Variants in GRM8 observed in about 807,000 individuals in gnomAD.
GRM8 encodes the protein glutamate metabotropic receptor 8.
Under a neutral mutation model 87.2 loss-of-function variants are expected in GRM8, and 47 were observed. The observed-to-expected ratio is 0.54, with a 90% CI of 0.43 to 0.69. The LOEUF (loss-of-function observed/expected upper bound fraction) is 0.69. Ranked by LOEUF, GRM8 falls within the 30% of genes least tolerant of loss-of-function variation. The pLI is 0.00. For missense variants in GRM8, 1,019 were observed against 1,139.2 expected (o/e 0.89, Z 1.52); for synonymous variants, 396 against 404.5 (o/e 0.98, Z 0.25).
chr7:127,081,789 T>C (rs1822895103), intron 3 of GRM8, among the ~76,000 whole-genome samples: 1 of 152,204 alleles, frequency 6.6e-6, no homozygotes, highest in Admixed American at 6.5e-5. Flanking sequence ...AAGAACAGTT[T>C]CTTTAGAAAT....
At chr7:126,481,193 C>T (rs1217213213) in intron 9 of GRM8, among the ~76,000 whole-genome samples, 1 of 151,850 alleles carries the variant, frequency 6.6e-6, no homozygotes, top group Non-Finnish European at 1.5e-5. Context: ...AAGGATAATT[C>T]CAATTAGTGA....
chr7:126,640,973 T>C (rs1802322946), intron 7 of GRM8, among the ~76,000 whole-genome samples: 1 of 152,152 alleles, frequency 6.6e-6, no homozygotes, highest in Non-Finnish European at 1.5e-5. Flanking sequence ...TTTAATTATC[T>C]AGTGTGAATC....
chr7:126,716,919 T>C (rs1034645227), intron 7 of GRM8, among the ~76,000 whole-genome samples: 1 of 152,100 alleles, frequency 6.6e-6, no homozygotes, highest in Admixed American at 6.5e-5. Context: ...GGAGGAATAA[T>C]AAACATGTCA....
rs535918684 is a variant in GRM8 at position 126,619,472 on chromosome 7, C to A, written c.1358-9974G>T. Among the ~76,000 whole-genome samples, 7 of 151,778 alleles carry A rather than the reference C, an allele frequency of 4.6e-5. No individual in the cohort carries two copies. In the East Asian group the frequency reaches 1.4e-3, roughly 29 times the overall value. ...GGCACATGTATACACATGTAACAAA[C>A]CTGCACGTTGTGCACATGTACCCTA... On this transcript the variant is annotated intron_variant, in intron 7 of 10. Transcript: ENST00000339582.
intron 3 of GRM8, among the ~76,000 whole-genome samples, chr7:127,027,999 T>C (rs984621001): frequency 6.6e-6 from 1 of 152,160 alleles, no homozygotes; most frequent in Non-Finnish European, 1.5e-5. Flanking sequence ...TTGAGATACA[T>C]TACCTCCATA....
At chr7:127,135,760 A>T (rs1043201160) in intron 2 of GRM8, among the ~76,000 whole-genome samples, 1 of 152,092 alleles carries the variant, frequency 6.6e-6, no homozygotes, top group Admixed American at 6.5e-5. Context: ...CCTAAGAAAA[A>T]TTTAAATATG....
intron 3 of GRM8, among the ~76,000 whole-genome samples, chr7:127,044,761 G>T (rs954355248): frequency 6.6e-6 from 1 of 152,066 alleles, no homozygotes; most frequent in Non-Finnish European, 1.5e-5. Context: ...TAGCAGCAAC[G>T]GCTAACATAC....
intron 3 of GRM8, among the ~76,000 whole-genome samples, chr7:127,046,415 T>G (rs1175255585): frequency 1.3e-5 from 2 of 152,174 alleles, no homozygotes; most frequent in Admixed American, 6.5e-5. Context: ...ATTTTTTCTG[T>G]TACATTTTTA....
At chr7:126,697,915 GA>G (rs1809549112) in intron 7 of GRM8, among the ~76,000 whole-genome samples, 1 of 152,102 alleles carries the variant, frequency 6.6e-6, no homozygotes, top group Admixed American at 6.6e-5. Context: ...CATCTTGAAG[GA>G]ATTTTTGCAC....
intron 7 of GRM8, among the ~76,000 whole-genome samples, chr7:126,686,426 G>A (rs568756619): frequency 3.3e-5 from 5 of 152,252 alleles, no homozygotes; most frequent in African/African-American, 1.2e-4. Context: ...CCTTCAGGGA[G>A]CCCAGCTCTG....
chr7:127,143,465 A>C (rs1828386548), intron 2 of GRM8, among the ~76,000 whole-genome samples: 1 of 152,210 alleles, frequency 6.6e-6, no homozygotes, highest in African/African-American at 2.4e-5. Flanking sequence ...AATTTGTAGC[A>C]GCTGTAGCTC....
intron 7 of GRM8, among the ~76,000 whole-genome samples, chr7:126,734,205 C>G (rs1813932865): frequency 6.6e-6 from 1 of 151,854 alleles, no homozygotes; most frequent in Non-Finnish European, 1.5e-5. Context: ...CTCCCCTGTA[C>G]AGATATAGTA....
chr7:126,989,427 T>G (rs1812417038), intron 3 of GRM8, among the ~76,000 whole-genome samples: 1 of 152,214 alleles, frequency 6.6e-6, no homozygotes, highest in Admixed American at 6.5e-5. Context: ...TATTCAAGCT[T>G]ATCTCCTTTT....
intron 8 of GRM8, among the ~76,000 whole-genome samples, chr7:126,544,768 A>G (rs531166437): frequency 6.6e-6 from 1 of 152,154 alleles, no homozygotes; most frequent in South Asian, 2.1e-4. Flanking sequence ...TCGGCCTCCC[A>G]AAGTGCTGGG....
chr7:127,142,362 C>T (rs966895534), intron 2 of GRM8, among the ~76,000 whole-genome samples: 1 of 152,108 alleles, frequency 6.6e-6, no homozygotes, highest in Non-Finnish European at 1.5e-5. Flanking sequence ...GGGAAATACA[C>T]AAGCTAAATG....
chr7:126,501,427 G>A (rs1001807611), intron 9 of GRM8, among the ~76,000 whole-genome samples: 1 of 151,952 alleles, frequency 6.6e-6, no homozygotes, highest in Admixed American at 6.6e-5. Context: ...CAGCTGAGAA[G>A]AACCAAGACT....
intron 3 of GRM8, among the ~76,000 whole-genome samples, chr7:127,098,425 C>T (rs1176879481): frequency 6.6e-6 from 1 of 152,112 alleles, no homozygotes; most frequent in Non-Finnish European, 1.5e-5. Context: ...GAATCCATTT[C>T]AGTTACCAGA....
intron 9 of GRM8, among the ~76,000 whole-genome samples, chr7:126,523,554 T>C (rs897638594): frequency 6.6e-6 from 1 of 151,718 alleles, no homozygotes; most frequent in Non-Finnish European, 1.5e-5. Context: ...TGGAGTGCAG[T>C]GCGCATAATC....
rs1297148746 is a variant in GRM8 at position 126,769,918 on chromosome 7, C to T, written c.1304G>A (p.Ser435Asn). ...AAGTAGCTCTTTCCCATCAATGGTA[C>T]TCATTCGTGGACAAAGGCCAATGTA... is the stretch of plus-strand genomic sequence containing the variant. ...PGYIGLCPRMSTIDGKELLGY... is the reference protein window; with the variant it reads ...PGYIGLCPRMNTIDGKELLGY... Residue 435 changes from serine (S) to asparagine (N), a missense_variant, in exon 7 of 11, where the codon AGT becomes AAT. Coordinates refer to ENST00000339582, the MANE Select transcript of GRM8 (RefSeq NM_000845.3). 1.2e-6 allele frequency: 2 copies of T among 1,612,576 alleles called. No homozygotes were observed. Among genetic ancestry groups the T allele is most frequent in the Non-Finnish European group, 1.7e-6 (2 of 1,179,030 alleles).
Sources: gnomAD v4.1 joint callset for allele counts (sites outside exome capture counted in the v4.1 genomes callset) on GRCh38, gnomAD v4.1.1 for gene constraint, MANE v1.5 for transcripts, NCBI Gene and HGNC (gene_info 2026-07-23, HGNC 2026-07-21) for gene names.